Variants in OCA2 observed in about 807,000 individuals in gnomAD.
OCA2 encodes the protein P protein.
OCA2 carries 77 observed loss-of-function variants against 100.2 expected under a neutral mutation model. The ratio of observed to expected loss-of-function variants is 0.77; its 90% CI spans 0.64 to 0.93. OCA2 has a LOEUF of 0.93. Among genes scored for constraint, OCA2 ranks in the 40% least tolerant of loss-of-function variants. The probability of loss-of-function intolerance (pLI) is 0.00; values close to 1 mark genes in which losing one functional copy is unlikely to be tolerated. For missense variants in OCA2, 1,062 were observed against 1,089.1 expected (o/e 0.98, Z 0.35); for synonymous variants, 432 against 439.2 (o/e 0.98, Z 0.21).
intron 23 of OCA2, among the ~76,000 whole-genome samples, chr15:27,766,086 C>G (rs1409814038): frequency 6.6e-6 from 1 of 152,168 alleles, no homozygotes; most frequent in African/African-American, 2.4e-5. Context: ...AGCTTCCTGT[C>G]AGCCTCTATC....
intron 21 of OCA2, among the ~76,000 whole-genome samples, chr15:27,870,917 C>T (rs898105741): frequency 1.3e-5 from 2 of 152,156 alleles, no homozygotes; most frequent in Non-Finnish European, 2.9e-5. Flanking sequence ...CTCGAGATCA[C>T]CAGTCACCCC....
chr15:28,084,568 G>A (rs2044742301), intron 1 of OCA2, among the ~76,000 whole-genome samples: 1 of 152,194 alleles, frequency 6.6e-6, no homozygotes. Context: ...GTTTCTGTGG[G>A]TCAAGGCCAG....
chr15:27,942,283 T>C (rs1050574034), intron 18 of OCA2, among the ~76,000 whole-genome samples: 3 of 149,644 alleles, frequency 2.0e-5, no homozygotes, highest in African/African-American at 7.3e-5. Flanking sequence ...ATAATATACA[T>C]AGTTTAATAG....
intron 19 of OCA2, among the ~76,000 whole-genome samples, chr15:27,906,180 G>C (rs1304996003): frequency 6.6e-6 from 1 of 152,130 alleles, no homozygotes; most frequent in African/African-American, 2.4e-5. Context: ...GAAAGGACTT[G>C]GAATGTTCCC....
chr15:27,987,852 T>C (rs2041414221), intron 11 of OCA2, among the ~76,000 whole-genome samples: 4 of 152,194 alleles, frequency 2.6e-5, no homozygotes, highest in Admixed American at 2.0e-4. Context: ...TTATTCAAAT[T>C]ACAATACTCA....
intron 1 of OCA2, among the ~76,000 whole-genome samples, chr15:28,089,231 T>C (rs2044831306): frequency 6.6e-6 from 1 of 152,190 alleles, no homozygotes; most frequent in Non-Finnish European, 1.5e-5. Flanking sequence ...GGTGCCCAGA[T>C]TTCATATTGT....
chr15:28,024,945 C>T (rs1037016781), intron 4 of OCA2, 43 bp from the exon 5 acceptor site: 20 of 1,587,950 alleles, frequency 1.3e-5, no homozygotes, highest in African/African-American at 2.7e-5. Context: ...GGGCAGCAGT[C>T]CTGTTGCCCA....
intron 21 of OCA2, among the ~76,000 whole-genome samples, chr15:27,854,302 TCC>T (rs2035873237): frequency 2.6e-5 from 4 of 152,020 alleles, no homozygotes; most frequent in Admixed American, 2.6e-4. Flanking sequence ...CCCAGCGGAG[TCC>T]AGACCAGGAA....
intron 2 of OCA2, among the ~76,000 whole-genome samples, chr15:28,076,275 G>A (rs867354210): frequency 4.5e-4 from 68 of 152,234 alleles, no homozygotes; most frequent in African/African-American, 1.5e-3. Context: ...ATTTTCACTT[G>A]ATAATGAAAT....
chr15:27,999,934 G>A (rs1332388038), intron 9 of OCA2, among the ~76,000 whole-genome samples: 1 of 152,034 alleles, frequency 6.6e-6, no homozygotes, highest in Non-Finnish European at 1.5e-5. Flanking sequence ...GTACACTCAG[G>A]ACAGTAAGAC....
At chr15:27,888,582 T>A (rs955811724) in intron 19 of OCA2, among the ~76,000 whole-genome samples, 11 of 151,924 alleles carry the variant, frequency 7.2e-5, no homozygotes, top group African/African-American at 2.7e-4. Context: ...TGAAAAACTA[T>A]GGGAAGAAAC....
the OCA2 span, among the ~76,000 whole-genome samples, chr15:27,723,916 A>T: frequency 2.0e-5 from 3 of 151,830 alleles, no homozygotes; most frequent in Non-Finnish European, 4.4e-5. Flanking sequence ...TGCGTGCACA[A>T]CCTCCTCCTC....
In OCA2 at chr15:27,986,619, C is replaced by T. The variant is rs140703213; in HGVS notation, c.1207G>A (p.Glu403Lys). 6.9e-6 allele frequency: 11 copies of T among 1,595,522 alleles called. No individual in the cohort carries two copies. Among genetic ancestry groups the T allele is most frequent in the African/African-American group, 1.3e-5 (1 of 74,698 alleles). Residue 403 changes from glutamate (E) to lysine (K), a missense_variant, in exon 12 of 24, where the codon GAA becomes AAA. Coordinates refer to ENST00000354638, the MANE Select transcript of OCA2 (RefSeq NM_000275.3). ...GCACAATAATCGAAAAATCCCGTTTCTGAAAATATGGCTACTAAGATCATC... is the reference window on the plus strand; with the variant it reads ...GCACAATAATCGAAAAATCCCGTTTTTGAAAATATGGCTACTAAGATCATC... ...GMMILVAIFS[E>K]TGFFDYCAVK... is the part of the protein sequence containing the mutation.
chr15:27,800,779 A>G (rs1053951225), intron 23 of OCA2, among the ~76,000 whole-genome samples: 1 of 150,076 alleles, frequency 6.7e-6, no homozygotes, highest in African/African-American at 2.4e-5. Flanking sequence ...AGCCTGGGCA[A>G]CATGGTAAAA....
chr15:27,984,910 G>C (rs2041295767), intron 13 of OCA2, among the ~76,000 whole-genome samples, 154 bp downstream of exon 13: 1 of 152,198 alleles, frequency 6.6e-6, no homozygotes, highest in Non-Finnish European at 1.5e-5. Context: ...ACACAAAGCA[G>C]ACACGAGCTG....
At chr15:27,927,435 G>A (rs1158828755) in intron 18 of OCA2, among the ~76,000 whole-genome samples, 1 of 152,124 alleles carries the variant, frequency 6.6e-6, no homozygotes, top group East Asian at 1.9e-4. Context: ...TCCAGTGTCT[G>A]GCTATTTCAA....
intron 3 of OCA2, among the ~76,000 whole-genome samples, chr15:28,030,223 G>A (rs2141366644): frequency 6.6e-6 from 1 of 152,318 alleles, no homozygotes; most frequent in Middle Eastern, 3.4e-3. Context: ...CAGTCACTGA[G>A]GGGCTGGTGG....
At chr15:27,896,957 G>A (rs908454727) in intron 19 of OCA2, among the ~76,000 whole-genome samples, 3 of 152,124 alleles carry the variant, frequency 2.0e-5, no homozygotes, top group South Asian at 4.1e-4. Flanking sequence ...CTGGGGGGCC[G>A]AGGTGGGCGG....
intron 23 of OCA2, among the ~76,000 whole-genome samples, chr15:27,758,531 C>T (rs1369135310): frequency 1.3e-5 from 2 of 152,104 alleles, no homozygotes; most frequent in South Asian, 2.1e-4. Context: ...ATACAGATGT[C>T]GAAATTATCT....
Sources: allele counts gnomAD v4.1 joint callset (sites outside exome capture counted in the v4.1 genomes callset), GRCh38; gene constraint gnomAD v4.1.1; transcripts MANE v1.5; gene names NCBI Gene and HGNC (gene_info 2026-07-23, HGNC 2026-07-21).